Variants in NRG3 observed in about 807,000 individuals in gnomAD.
NRG3 encodes pro-neuregulin-3, membrane-bound isoform.
NRG3 carries 31 observed loss-of-function variants against 66.9 expected under a neutral mutation model. That is an observed-to-expected ratio of 0.46 (90% CI 0.35 to 0.63). The LOEUF is 0.63. Among genes scored for constraint, NRG3 ranks in the 20% least tolerant of loss-of-function variants. The pLI, the probability that NRG3 is intolerant of heterozygous loss-of-function variation, is 0.00. For synonymous variants in NRG3, 393 were observed against 359.4 expected, an observed-to-expected ratio of 1.09 and a Z score of -1.06; for missense variants, 910 against 878.9, an observed-to-expected ratio of 1.04 and a Z score of -0.45.
rs148627064 is a variant in NRG3, at chr10:82,039,176, T to A, written c.823+163013T>A. Among the ~76,000 whole-genome samples the A allele has an allele frequency of 7.2e-5, 11 of 152,240 alleles. No homozygotes were observed. The East Asian group carries it at 1.9e-3, about 27-fold the overall frequency. On this transcript the variant is annotated intron_variant, in intron 1 of 8. Coordinates refer to ENST00000372141, the MANE Select transcript of NRG3 (RefSeq NM_001010848.4). ...GTTATATTTTACAACCAAGTTCCAA[T>A]GCGAAGCAGCCTGTTTGTGAGTGAT... is the stretch of plus-strand genomic sequence containing the variant.
intron 1 of NRG3, among the ~76,000 whole-genome samples, chr10:82,175,336 G>C (rs1387033311): frequency 6.6e-6 from 1 of 151,970 alleles, no homozygotes; most frequent in Non-Finnish European, 1.5e-5. Flanking sequence ...AAACTTTAAA[G>C]GCTCAAGAGT....
chr10:82,968,955 T>G (rs796802573), intron 6 of NRG3, among the ~76,000 whole-genome samples: 2 of 152,190 alleles, frequency 1.3e-5, no homozygotes, highest in South Asian at 4.1e-4. Context: ...GAGAGCCAAG[T>G]GAAAGGTTTT....
chr10:82,783,213 A>G (rs1457886333), intron 3 of NRG3, among the ~76,000 whole-genome samples: 1 of 152,022 alleles, frequency 6.6e-6, no homozygotes, highest in Admixed American at 6.6e-5. Context: ...ATCTCAAAAT[A>G]ATAAGAGCTA....
intron 4 of NRG3, among the ~76,000 whole-genome samples, chr10:82,882,094 C>T (rs1296305130): frequency 6.6e-6 from 1 of 152,164 alleles, no homozygotes; most frequent in Non-Finnish European, 1.5e-5. Flanking sequence ...ATTGTCCATG[C>T]CCGTCTTTTC....
At chr10:82,846,418 A>G (rs2063311347) in intron 3 of NRG3, among the ~76,000 whole-genome samples, 1 of 152,208 alleles carries the variant, frequency 6.6e-6, no homozygotes, top group African/African-American at 2.4e-5. Context: ...CTCTCCACAG[A>G]TTTATTAAAA....
intron 1 of NRG3, among the ~76,000 whole-genome samples, chr10:82,254,064 G>A (rs2077603108): frequency 6.6e-6 from 1 of 152,156 alleles, no homozygotes; most frequent in South Asian, 2.1e-4. Context: ...TGTCTGTTGT[G>A]AGTCACTGCT....
chr10:82,695,033 T>C (rs940960554), intron 2 of NRG3, among the ~76,000 whole-genome samples: 1 of 152,166 alleles, frequency 6.6e-6, no homozygotes. Flanking sequence ...ATAATAATTT[T>C]ATAAAATAGA....
chr10:82,917,955 T>C (rs968462064), intron 4 of NRG3, among the ~76,000 whole-genome samples: 5 of 77,174 alleles, frequency 6.5e-5, no homozygotes, highest in African/African-American at 2.6e-4. Flanking sequence ...TGGGATTGTG[T>C]GTGTGTGTGT....
chr10:82,269,223 G>A (rs1423291111), intron 1 of NRG3, among the ~76,000 whole-genome samples: 2 of 152,020 alleles, frequency 1.3e-5, no homozygotes, highest in East Asian at 3.9e-4. Flanking sequence ...TTTCACTTTA[G>A]CCTCTAATAG....
At chr10:82,219,548 A>G (rs1156885225) in intron 1 of NRG3, among the ~76,000 whole-genome samples, 1 of 151,976 alleles carries the variant, frequency 6.6e-6, no homozygotes, top group Non-Finnish European at 1.5e-5. Context: ...CTCAATATAT[A>G]TTTGTTAATT....
chr10:82,027,925 C>T (rs746343013), intron 1 of NRG3, among the ~76,000 whole-genome samples: 7 of 152,128 alleles, frequency 4.6e-5, no homozygotes, highest in South Asian at 2.1e-4. Context: ...TACTCAGATC[C>T]GGGTTGTGCA....
chr10:82,714,223 C>G (rs2056842343), intron 2 of NRG3, among the ~76,000 whole-genome samples: 1 of 152,104 alleles, frequency 6.6e-6, no homozygotes, highest in African/African-American at 2.4e-5. Context: ...ATGTAGTTAT[C>G]ATGTTGGTGC....
chr10:82,341,473 T>G (rs780560011), intron 1 of NRG3, among the ~76,000 whole-genome samples: 1 of 152,104 alleles, frequency 6.6e-6, no homozygotes, highest in African/African-American at 2.4e-5. Context: ...TATATTGGAT[T>G]AATAGGTTTA....
intron 1 of NRG3, among the ~76,000 whole-genome samples, chr10:82,187,529 T>G (rs1264096157): frequency 6.6e-6 from 1 of 152,136 alleles, no homozygotes; most frequent in Non-Finnish European, 1.5e-5. Flanking sequence ...TTTGAGGGAG[T>G]ATAAATTTAA....
Position 81,982,301 on chromosome 10 carries a change from C to T in NRG3, c.823+106138C>T, listed in dbSNP as rs143003860. ...TCCTCTAGTGTCAAAAAATATATTT[C>T]TAATTTTCACCTGAGGCCACAACAG... On this transcript the variant is annotated intron_variant, in intron 1 of 8. Coordinates refer to ENST00000372141, the MANE Select transcript of NRG3 (RefSeq NM_001010848.4). Among the ~76,000 whole-genome samples the T allele has an allele frequency of 2.0e-5, 3 of 152,126 alleles. No homozygotes were observed. In the South Asian group the frequency reaches 6.2e-4, roughly 31 times the overall value.
chr10:81,986,485 C>G (rs2060523159), intron 1 of NRG3, among the ~76,000 whole-genome samples: 1 of 152,058 alleles, frequency 6.6e-6, no homozygotes. Flanking sequence ...CTAAGACACT[C>G]AAAATCATTT....
In NRG3 at chr10:82,606,101, T is replaced by C. The variant is rs201431404; in HGVS notation, c.954-132476T>C. On this transcript the variant is annotated intron_variant, in intron 2 of 8. Coordinates refer to ENST00000372141, the MANE Select transcript of NRG3 (RefSeq NM_001010848.4). The stretch of plus-strand genomic sequence containing the variant: ...ATTAATATGCTCTTCTTTTCTTAGT[T>C]TCCTAAGGCATGATCTTAGACTATT... 2.0e-4 allele frequency among the ~76,000 whole-genome samples: 30 copies of C among 152,250 alleles called. No individual in the cohort carries two copies. The East Asian group carries it at 5.4e-3, about 27-fold the overall frequency.
chr10:82,771,000 C>T (rs1304216882), intron 3 of NRG3, among the ~76,000 whole-genome samples: 1 of 152,128 alleles, frequency 6.6e-6, no homozygotes, highest in African/African-American at 2.4e-5. Context: ...TAATAATGTG[C>T]AGATTTGTGG....
chr10:82,081,538 C>T (rs1208300671), intron 1 of NRG3, among the ~76,000 whole-genome samples: 1 of 151,992 alleles, frequency 6.6e-6, no homozygotes, highest in Non-Finnish European at 1.5e-5. Flanking sequence ...GTGATGTCGC[C>T]CTAGGTTAAC....
Sources: gnomAD v4.1 joint callset for allele counts (sites outside exome capture counted in the v4.1 genomes callset) on GRCh38, gnomAD v4.1.1 for gene constraint, MANE v1.5 for transcripts, NCBI Gene and HGNC (gene_info 2026-07-23, HGNC 2026-07-21) for gene names.